The following SGIP1 variants were observed in gnomAD, a reference collection of about 807,000 sequenced individuals.
The protein encoded by SGIP1 is SH3GL interacting endocytic adaptor 1.
SGIP1 carries 38 observed loss-of-function variants against 107.5 expected under a neutral mutation model. The ratio of observed to expected loss-of-function variants is 0.35; its 90% CI spans 0.27 to 0.46. The LOEUF is 0.46. SGIP1 is among the 20% of genes least tolerant of loss of function. The pLI is 1.00. For synonymous variants in SGIP1, 365 were observed against 366.1 expected, an observed-to-expected ratio of 1.00 and a Z score of 0.03; for missense variants, 929 against 1,019.5, an observed-to-expected ratio of 0.91 and a Z score of 1.21.
chr1:66,664,279 G>A (rs905695285), intron 8 of SGIP1, among the ~76,000 whole-genome samples: 1 of 152,006 alleles, frequency 6.6e-6, no homozygotes, highest in Non-Finnish European at 1.5e-5. Flanking sequence ...GGTGCATCCA[G>A]GCAGGTTTAT....
intron 21 of SGIP1, 130 bp from the exon 22 acceptor site, chr1:66,739,205 C>T (rs2094365303): frequency 1.0e-6 from 1 of 964,408 alleles, no homozygotes; most frequent in African/African-American, 1.7e-5. Flanking sequence ...CCAGCTCTCT[C>T]ACAGCACGCT....
At chr1:66,646,565 A>G (rs1557430530) in intron 7 of SGIP1, among the ~76,000 whole-genome samples, 1 of 152,144 alleles carries the variant, frequency 6.6e-6, no homozygotes, top group Non-Finnish European at 1.5e-5. Context: ...AACCAATTTG[A>G]TCTCTTTTAT....
intron 7 of SGIP1, among the ~76,000 whole-genome samples, chr1:66,648,614 G>A (rs1005031236): frequency 7.2e-5 from 11 of 152,130 alleles, no homozygotes; most frequent in Admixed American, 1.3e-4. Context: ...GGTGTCTATG[G>A]CATTGCCTAG....
chr1:66,680,794 T>C (rs1314908190), intron 14 of SGIP1, among the ~76,000 whole-genome samples: 2 of 152,218 alleles, frequency 1.3e-5, no homozygotes, highest in East Asian at 1.9e-4. Context: ...GCTAGAAATA[T>C]AGAAATACTA....
rs1344018387 is a variant in SGIP1 at position 66,631,667 on chromosome 1, TTCTCTCTCTCTCTTTCTCTC to T, written c.75-1389_75-1370del. 5.4e-3 allele frequency among the ~76,000 whole-genome samples: 518 copies of T among 95,248 alleles called. 4 individuals carry two copies. The highest frequency in any genetic ancestry group is 0.017 in the African/African-American group (464 of 27,568). The allele number at this position is 95,248 out of a possible 152,430, so 62.5% of individuals were successfully genotyped here. A position where few individuals can be genotyped will look rare whatever the true frequency, so the allele number is the denominator to read the frequency against. ...TCTCTGCATTGCTCTCTCTCTCTCT[TTCTCTCTCTCTCTTTCTCTC>T]TCTCTCTCTCTCTCTCTCTCTCTCT... On this transcript the variant is annotated intron_variant, in intron 2 of 24. Coordinates refer to ENST00000371037, the MANE Select transcript of SGIP1 (RefSeq NM_032291.4).
In SGIP1 at chr1:66,682,020, T is replaced by A. The variant is rs2149997080; in HGVS notation, c.966T>A (p.His322Gln). 6.2e-7 allele frequency: 1 copy of A among 1,614,148 alleles called. No individual in the cohort carries two copies. The highest frequency in any genetic ancestry group is 2.2e-5 in the East Asian group (1 of 44,864). Residue 322 changes from histidine to glutamine, a missense_variant, in exon 15 of 25, where the codon CAT (histidine) becomes CAA (glutamine). Around this residue, in one of 2 missense-constraint regions of SGIP1, gnomAD observed 588 missense variants for 588.6 expected, o/e 1.00. Coordinates refer to ENST00000371037, the MANE Select transcript of SGIP1 (RefSeq NM_032291.4). ...ATTTTTCTGATACATCCCCGGAACA[T>A]GTTACTCCGGAGTTGACTCCAAGGG... ...WVHFSDTSPE[H>Q]VTPELTPREK...
chr1:66,589,178 A>G (rs202139140), intron 1 of SGIP1, among the ~76,000 whole-genome samples: 1 of 24,830 alleles, frequency 4.0e-5, no homozygotes, highest in Non-Finnish European at 6.7e-5. Flanking sequence ...ATATATATAT[A>G]TATATATATA....
At chr1:66,673,491 T>C (rs2084375459) in intron 12 of SGIP1, 125 bp downstream of exon 12, 1 of 891,470 alleles carries the variant, frequency 1.1e-6, no homozygotes, top group Admixed American at 3.4e-5. Context: ...GAAAGAAAAG[T>C]TTCAATCTAG....
At chr1:66,742,438 A>G (rs2094476021) in intron 24 of SGIP1, among the ~76,000 whole-genome samples, 1 of 135,130 alleles carries the variant, frequency 7.4e-6, no homozygotes, top group South Asian at 2.4e-4. Context: ...AAATTGGAAT[A>G]TAAGTTATAT....
chr1:66,572,981 C>T (rs1171137230), intron 1 of SGIP1, among the ~76,000 whole-genome samples: 3 of 151,996 alleles, frequency 2.0e-5, no homozygotes, highest in East Asian at 3.9e-4. Context: ...CATTATTCCA[C>T]TTATAGTAAA....
intron 17 of SGIP1, among the ~76,000 whole-genome samples, chr1:66,691,889 A>G (rs2089927074): frequency 6.6e-6 from 1 of 152,200 alleles, no homozygotes; most frequent in African/African-American, 2.4e-5. Flanking sequence ...GGCCAAGTGC[A>G]GTGGCTCATG....
chr1:66,737,539 T>C (rs2094309537), intron 21 of SGIP1, among the ~76,000 whole-genome samples: 1 of 152,080 alleles, frequency 6.6e-6, no homozygotes, highest in Non-Finnish European at 1.5e-5. Flanking sequence ...CTTTTTAAAA[T>C]AAATAAATAA....
intron 2 of SGIP1, among the ~76,000 whole-genome samples, chr1:66,631,709 CTCTCTCTCTCTCTCTCTCTT>C (rs1259969278): frequency 2.7e-5 from 2 of 72,868 alleles, no homozygotes; most frequent in East Asian, 5.0e-4. Context: ...CTCTCTCTCT[CTCTCTCTCTCTCTCTCTCTT>C]CTCACGGGCT....
chr1:66,687,102 C>T (rs879788061), intron 15 of SGIP1, among the ~76,000 whole-genome samples: 10 of 152,160 alleles, frequency 6.6e-5, no homozygotes, highest in African/African-American at 9.7e-5. Flanking sequence ...TTAGTACTTT[C>T]CCAGGCATCA....
At chr1:66,607,322 C>T (rs533830423) in intron 1 of SGIP1, among the ~76,000 whole-genome samples, 1 of 152,296 alleles carries the variant, frequency 6.6e-6, no homozygotes, top group East Asian at 1.9e-4. Flanking sequence ...TTCAGGTAGC[C>T]CAGTATCCTT....
intron 20 of SGIP1, among the ~76,000 whole-genome samples, chr1:66,730,874 C>T (rs2093978340): frequency 1.3e-5 from 2 of 152,102 alleles, no homozygotes; most frequent in Admixed American, 6.5e-5. Flanking sequence ...CTGTTTCAAC[C>T]TTCTTCACCT....
intron 1 of SGIP1, among the ~76,000 whole-genome samples, chr1:66,616,689 A>T (rs749573217): frequency 1.3e-5 from 2 of 152,212 alleles, no homozygotes; most frequent in Non-Finnish European, 2.9e-5. Flanking sequence ...CTTCCCAATT[A>T]TATTCAACTG....
At chr1:66,534,605 G>C (rs2053135065) in intron 1 of SGIP1, among the ~76,000 whole-genome samples, 1 of 152,184 alleles carries the variant, frequency 6.6e-6, no homozygotes, top group Non-Finnish European at 1.5e-5. Flanking sequence ...AGAGAGAAAA[G>C]CCTAAAGTGT....
chr1:66,619,735 C>G (rs967176101), intron 1 of SGIP1, among the ~76,000 whole-genome samples: 1 of 152,194 alleles, frequency 6.6e-6, no homozygotes, highest in Admixed American at 6.5e-5. Flanking sequence ...AGGCCAGCAG[C>G]GTCTTGTGTC....
Sources: allele counts gnomAD v4.1 joint callset (sites outside exome capture counted in the v4.1 genomes callset), GRCh38; gene constraint gnomAD v4.1.1; regional missense constraint gnomAD v4.1.1; transcripts MANE v1.5; gene names NCBI Gene and HGNC (gene_info 2026-07-23, HGNC 2026-07-21).